Variants in EDRF1 observed in about 807,000 individuals in gnomAD.
EDRF1 encodes erythroid differentiation regulatory factor 1.
EDRF1 carries 69 observed loss-of-function variants against 148.7 expected under a neutral mutation model. That is an observed-to-expected ratio of 0.46 (90% CI 0.38 to 0.57). The LOEUF (loss-of-function observed/expected upper bound fraction) is 0.57, where lower values mean the gene tolerates loss of function less well. Ranked by LOEUF, EDRF1 falls within the 20% of genes least tolerant of loss-of-function variation. The pLI is 0.00. For missense variants in EDRF1, 1,118 were observed against 1,478.7 expected (o/e 0.76, Z 4.00); for synonymous variants, 515 against 532.8 (o/e 0.97, Z 0.46).
At position 125,729,248 on chromosome 10, in the gene EDRF1, G is replaced by A. The variant is rs1848393798; in HGVS notation, c.895-110G>A. 4 of 1,487,772 alleles carry A rather than the reference G, an allele frequency of 2.7e-6. No individual in the cohort carries two copies. The South Asian group carries it at 3.5e-5, about 13-fold the overall frequency. The allele number at this position is 1,487,772 out of a possible 1,614,324, so 92.2% of individuals were successfully genotyped here. On this transcript the variant is annotated intron_variant, in intron 7 of 24. Transcript: ENST00000356792. ...AAGCATCTTTGTGATCTTAGCTCTG[G>A]GGCCTGACTTTGTCTTCTTTGTCTC...
In EDRF1 at chr10:125,738,000, G is replaced by A; in HGVS notation, c.1830+11G>A. On this transcript the variant is annotated intron_variant, in intron 14 of 24. Coordinates refer to ENST00000356792, the MANE Select transcript of EDRF1 (RefSeq NM_001202438.2). ...AGCTATGTTCTAGAGGTAAGTTTAA[G>A]TTTAGTCTTCACTTTTTTCGTAAAG... is the stretch of plus-strand genomic sequence containing the variant. 6.2e-7 allele frequency: 1 copy of A among 1,613,086 alleles called. No homozygotes were observed. The highest frequency in any genetic ancestry group is 8.5e-7 in the Non-Finnish European group (1 of 1,179,114).
At chr10:125,739,141 G>C (rs994779285) in intron 15 of EDRF1, among the ~76,000 whole-genome samples, 1 of 151,246 alleles carries the variant, frequency 6.6e-6, no homozygotes, top group African/African-American at 2.4e-5. Context: ...AAAAAGTGTA[G>C]AAAGCCTGTA....
chr10:125,759,193 C>T (rs1850068880), intron 24 of EDRF1, among the ~76,000 whole-genome samples: 1 of 152,168 alleles, frequency 6.6e-6, no homozygotes, highest in African/African-American at 2.4e-5. Context: ...CCCCCTGACT[C>T]CACAGAGGCC....
At position 125,741,716 on chromosome 10, in the gene EDRF1, C is replaced by G. The variant is rs932983932; in HGVS notation, c.2371+515C>G. ...ATTTTATTTATTTATTTTTTTGAGA[C>G]ACAGTCTCGCTCTGCCACACAGGCT... On this transcript the variant is annotated intron_variant, in intron 17 of 24. Transcript: ENST00000356792. 3 of 171,162 alleles carry G rather than the reference C, an allele frequency of 1.8e-5. No individual in the cohort carries two copies. The Admixed American group carries it at 1.8e-4, about 10-fold the overall frequency. The allele number at this position is 171,162 out of a possible 1,614,324, so 10.6% of individuals were successfully genotyped here.
intron 4 of EDRF1, among the ~76,000 whole-genome samples, chr10:125,724,466 AT>A (rs2133668319): frequency 6.6e-6 from 1 of 152,300 alleles, no homozygotes; most frequent in South Asian, 2.1e-4. Context: ...ACATGTACAG[AT>A]TTGTAGCCTG....
At chr10:125,754,088 G>A (rs1849773131) in intron 24 of EDRF1, among the ~76,000 whole-genome samples, 2 of 151,910 alleles carry the variant, frequency 1.3e-5, no homozygotes, top group African/African-American at 4.8e-5. Context: ...GGTGGCGGGC[G>A]CCTGTTAATC....
chr10:125,753,615 C>T, intron 23 of EDRF1, 79 bp from the exon 24 acceptor site: 1 of 1,476,258 alleles, frequency 6.8e-7, no homozygotes. Flanking sequence ...ATGAATGAAA[C>T]TGCAGTTCCA....
At chr10:125,748,974 ATCT>A (rs1329051293) in intron 21 of EDRF1, 1 of 233,350 alleles carries the variant, frequency 4.3e-6, no homozygotes, top group South Asian at 5.9e-5. Context: ...GTGGAAAGAA[ATCT>A]TCTCCAGTTC....
chr10:125,736,323 G>C (rs551248520), intron 13 of EDRF1, among the ~76,000 whole-genome samples: 1 of 152,204 alleles, frequency 6.6e-6, no homozygotes, highest in East Asian at 1.9e-4. Context: ...TTATCCCTGT[G>C]CTATATAGGA....
At position 125,723,864 on chromosome 10, in the gene EDRF1, A is replaced by G. The variant is rs766846778; in HGVS notation, c.438A>G (p.Ala146=). The change falls in exon 4 of 25, where the codon GCA becomes GCG. Residue 146 remains alanine (A), a synonymous_variant. Coordinates refer to ENST00000356792, the MANE Select transcript of EDRF1 (RefSeq NM_001202438.2). ...IPYSKSHVSM[A]VHRIGRTLLL... is the part of the protein sequence containing the mutation. The stretch of plus-strand genomic sequence containing the variant: ...ACAGCAAGTCGCACGTGAGCATGGC[A>G]GTACACCGCATAGGAAGGACTCTCT... 3 of 1,613,822 alleles carry G rather than the reference A, an allele frequency of 1.9e-6. No individual in the cohort carries two copies.
chr10:125,719,767 C>G lies in EDRF1; in HGVS notation c.-41C>G. ...TTGGGCCTGCGTTGCTGCTGCTGCT[C>G]CTCCGCTCCCCCGTCGTATCGCCTG... On this transcript the variant is annotated 5_prime_UTR_variant, in exon 1 of 25. Coordinates refer to ENST00000356792, the MANE Select transcript of EDRF1 (RefSeq NM_001202438.2). 2 of 1,544,120 alleles carry G rather than the reference C, an allele frequency of 1.3e-6. No individual in the cohort carries two copies. The highest frequency in any genetic ancestry group is 1.8e-5 in the Admixed American group (1 of 55,248).
intron 15 of EDRF1, among the ~76,000 whole-genome samples, chr10:125,739,987 A>G (rs1848927744): frequency 6.6e-6 from 1 of 152,344 alleles, no homozygotes; most frequent in South Asian, 2.1e-4. Context: ...AAAAACAGGC[A>G]TGTTTATAGG....
At position 125,745,808 on chromosome 10, in the gene EDRF1, A is replaced by T; in HGVS notation, c.2692A>T (p.Asn898Tyr). Reference protein sequence around the residue: ...HNFESIEDATNAALLLCNTGR... With the variant: ...HNFESIEDATYAALLLCNTGR... ...CTTTGAATCAATTGAGGATGCCACC[A>T]ATGCCGCCCTTTTATTATGTAACAC... The change falls in exon 19 of 25, where the codon AAT (asparagine) becomes TAT (tyrosine). Residue 898 changes from asparagine (N) to tyrosine (Y), a missense_variant. Coordinates refer to ENST00000356792, the MANE Select transcript of EDRF1 (RefSeq NM_001202438.2). 6.2e-7 allele frequency: 1 copy of T among 1,614,228 alleles called. No homozygotes were observed. Among genetic ancestry groups the T allele is most frequent in the Non-Finnish European group, 8.5e-7 (1 of 1,180,034 alleles).
At chr10:125,746,446 T>C (rs1346129944) in intron 19 of EDRF1, among the ~76,000 whole-genome samples, 1 of 152,184 alleles carries the variant, frequency 6.6e-6, no homozygotes, top group Non-Finnish European at 1.5e-5. Context: ...ATACTCTTGC[T>C]GTATAAAATA....
chr10:125,738,434 T>G lies in EDRF1; in HGVS notation c.1970T>G (p.Phe657Cys). The G allele has an allele frequency of 6.2e-7, 1 of 1,614,098 alleles. No individual in the cohort carries two copies. Among genetic ancestry groups the G allele is most frequent in the Non-Finnish European group, 8.5e-7 (1 of 1,179,978 alleles). Residue 657 changes from phenylalanine to cysteine, a missense_variant, in exon 15 of 25, where the codon TTT (phenylalanine) becomes TGT (cysteine). Around this residue, in one of 3 missense-constraint regions of EDRF1, gnomAD observed 954 missense variants for 1,241.4 expected, o/e 0.77. Transcript: ENST00000356792. ...PEGLEKQMAL[F>C]LDKMGSLQKG... ...GGGCTAGAGAAGCAGATGGCCTTGT[T>G]TTTGGACAAAAGTAAGTTGAATTGA...
intron 13 of EDRF1, among the ~76,000 whole-genome samples, chr10:125,736,413 C>A (rs1331787261): frequency 6.6e-6 from 1 of 152,110 alleles, no homozygotes; most frequent in African/African-American, 2.4e-5. Context: ...AGACAGATTT[C>A]TCCCTGTGTG....
intron 21 of EDRF1, 37 bp from the exon 22 acceptor site, chr10:125,749,375 C>A: frequency 6.2e-7 from 1 of 1,613,748 alleles, no homozygotes; most frequent in Non-Finnish European, 8.5e-7. Context: ...AAGTAGTTAC[C>A]GTGAAGGATT....
intron 7 of EDRF1, 41 bp from the exon 8 acceptor site, chr10:125,729,317 G>A (rs757572300): frequency 6.2e-7 from 1 of 1,607,596 alleles, no homozygotes; most frequent in South Asian, 1.1e-5. Context: ...GGAAATTACA[G>A]ATTGACTGTT....
intron 21 of EDRF1, chr10:125,748,254 C>T: frequency 5.3e-6 from 3 of 566,154 alleles, no homozygotes; most frequent in East Asian, 6.3e-5. Flanking sequence ...TGGCTTACTG[C>T]CTGTCACTTA....
Sources: allele counts gnomAD v4.1 joint callset (sites outside exome capture counted in the v4.1 genomes callset), GRCh38; gene constraint gnomAD v4.1.1; regional missense constraint gnomAD v4.1.1; transcripts MANE v1.5; gene names NCBI Gene and HGNC (gene_info 2026-07-23, HGNC 2026-07-21).